The following FLII variants were observed in gnomAD, a reference collection of about 807,000 sequenced individuals.
FLII encodes protein flightless-1 homolog.
A neutral mutation model predicts 156.2 loss-of-function variants in FLII; 101 were observed. The observed-to-expected ratio is 0.65, with a 90% CI of 0.55 to 0.76. The LOEUF is 0.76. FLII is among the 30% of genes least tolerant of loss of function. The pLI, the probability that FLII is intolerant of heterozygous loss-of-function variation, is 0.00. For synonymous variants in FLII, 767 were observed against 685.8 expected (o/e 1.12, Z -1.85); for missense variants, 1,675 against 1,682.8 (o/e 1.00, Z 0.08).
Position 18,246,186 on chromosome 17 carries a change from G to A in FLII, c.3243C>T (p.Asn1081=), listed in dbSNP as rs368493265. 1.2e-6 allele frequency: 2 copies of A among 1,614,186 alleles called. No individual in the cohort carries two copies. The highest frequency in any genetic ancestry group is 1.7e-6 in the Non-Finnish European group (2 of 1,180,028). Residue 1081 remains asparagine (N), a synonymous_variant, in exon 25 of 30, where the codon AAC becomes AAT. Transcript: ENST00000327031. The part of the protein sequence containing the change: ...IQINTDSSLL[N]SEFCFILKVP... ...CCTTGAGGATGAAGCAGAACTCGGA[G>A]TTGAGGAGGCTGGAGTCGGTGTTGA...
rs1260610902 is a variant in FLII at position 18,250,969 on chromosome 17, T to C, written c.1645A>G (p.Ile549Val). 1.9e-6 allele frequency: 3 copies of C among 1,613,922 alleles called. No individual in the cohort carries two copies. ...TTGTCGAGTGTGGCCTCCCCGCCAA[T>C]CCAGTAGTAGATCTCCCAGTTGAGG... Reference protein sequence around the residue: ...GSLNWEIYYWIGGEATLDKKA... With the variant: ...GSLNWEIYYWVGGEATLDKKA... The change falls in exon 14 of 30, where the codon ATT becomes GTT. Residue 549 changes from isoleucine to valine, a missense_variant. By Grantham distance (29) the Ile-to-Val change is conservative. This residue lies in a region of FLII where 1,332 missense variants were observed against 1,269.3 expected (regional missense o/e 1.05). Coordinates refer to ENST00000327031, the MANE Select transcript of FLII (RefSeq NM_002018.4).
chr17:18,246,990 C>T lies in FLII; in HGVS notation c.2739G>A (p.Glu913=), dbSNP rs1597899728. The change falls in exon 22 of 30, where the codon GAG becomes GAA. Residue 913 remains glutamate (E), a synonymous_variant. Transcript: ENST00000327031. The part of the protein sequence containing the change: ...DLDGMEGFVL[E]GKKFARLPEE... Reference sequence around the variant, plus strand: ...CCGGCAGCCGCGCAAACTTCTTGCCCTCCAGCACGAAACCCTCCATGCCGT... The same window carrying T: ...CCGGCAGCCGCGCAAACTTCTTGCCTTCCAGCACGAAACCCTCCATGCCGT... 2 of 1,614,134 alleles carry T rather than the reference C, an allele frequency of 1.2e-6. No individual in the cohort carries two copies. Among genetic ancestry groups the T allele is most frequent in the Non-Finnish European group, 1.7e-6 (2 of 1,180,028 alleles).
chr17:18,246,349 G>A lies in FLII; in HGVS notation c.3165C>T (p.Ser1055=). The change falls in exon 24 of 30, where the codon AGC becomes AGT. Residue 1055 remains serine, a synonymous_variant. Transcript: ENST00000327031. ...RKAVQGAQQP[S]LYQIRTNGSA... is the part of the protein sequence containing the mutation. ...TGCCGTTGGTGCGGATCTGGTAGAGGCTGGGCTGTTGGGCGCCCTGGACCG... is the reference window on the plus strand; with the variant it reads ...TGCCGTTGGTGCGGATCTGGTAGAGACTGGGCTGTTGGGCGCCCTGGACCG... 6.2e-7 allele frequency: 1 copy of A among 1,613,814 alleles called. No homozygotes were observed. The highest frequency in any genetic ancestry group is 8.5e-7 in the Non-Finnish European group (1 of 1,180,014).
chr17:18,254,314 G>A, intron 6 of FLII, 132 bp from the exon 7 acceptor site: 1 of 838,666 alleles, frequency 1.2e-6, no homozygotes, highest in South Asian at 1.8e-5. Flanking sequence ...GAAGGGACAA[G>A]CCCAAGGGTG....
intron 11 of FLII, 37 bp from the exon 12 acceptor site, chr17:18,251,853 C>A: frequency 6.2e-7 from 1 of 1,612,058 alleles, no homozygotes; most frequent in Admixed American, 1.7e-5. Context: ...CCTCACTGGG[C>A]CTGCTGCCCC....
chr17:18,245,906 G>GTGCCCGCC, intron 26 of FLII, 28 bp downstream of exon 26: 1 of 1,613,998 alleles, frequency 6.2e-7, no homozygotes, highest in Admixed American at 1.7e-5. Context: ...TCCTCTGTGT[G>GTGCCCGCC]TGCCCGCCTG....
chr17:18,257,302 A>C (rs888161780), intron 1 of FLII: 17 of 426,130 alleles, frequency 4.0e-5, no homozygotes, highest in Non-Finnish European at 6.3e-5. Flanking sequence ...AAAGCCCAGC[A>C]TCCGGCTCTG....
chr17:18,250,717 C>G, intron 14 of FLII, 121 bp downstream of exon 14: 2 of 1,110,538 alleles, frequency 1.8e-6, no homozygotes, highest in Non-Finnish European at 2.6e-6. Context: ...GATCCACCCC[C>G]TTTAACCCCA....
In FLII at chr17:18,246,714, C is replaced by T. The variant is rs753542412; in HGVS notation, c.2931G>A (p.Glu977=). 3.1e-6 allele frequency: 5 copies of T among 1,613,372 alleles called. No homozygotes were observed. The African/African-American group carries it at 6.7e-5, about 22-fold the overall frequency. The stretch of plus-strand genomic sequence containing the variant: ...AGTACACGATGCACTGGAAGTCCTC[C>T]TCTGGCTGCTTCTCCTCTGCCTCAG... ...ATAEAEEKQP[E]EDFQCIVYFW... The change falls in exon 23 of 30, where the codon GAG becomes GAA. Residue 977 remains glutamate (E), a synonymous_variant. Transcript: ENST00000327031.
At position 18,247,772 on chromosome 17, in the gene FLII, T is replaced by C; in HGVS notation, c.2372A>G (p.Lys791Arg). 1.9e-6 allele frequency: 3 copies of C among 1,609,814 alleles called. No homozygotes were observed. The highest frequency in any genetic ancestry group is 2.5e-6 in the Non-Finnish European group (3 of 1,179,954). Reference protein sequence around the residue: ...WSDVFIWLGRKSPRLVRAAAL... With the variant: ...WSDVFIWLGRRSPRLVRAAAL... ...GGCAGCGCGCACCAGGCGCGGGGAC[T>C]TGCGGCCGAGCCAGATGAACACGTC... is the stretch of plus-strand genomic sequence containing the variant. Residue 791 changes from lysine to arginine, a missense_variant, in exon 20 of 30, where the codon AAG (lysine) becomes AGG (arginine). This residue lies in a region of FLII where 1,332 missense variants were observed against 1,269.3 expected (regional missense o/e 1.05). Coordinates refer to ENST00000327031, the MANE Select transcript of FLII (RefSeq NM_002018.4).
chr17:18,249,520 T>A, intron 14 of FLII, 112 bp from the exon 15 acceptor site: 1 of 771,082 alleles, frequency 1.3e-6, no homozygotes, highest in South Asian at 1.5e-5. Context: ...GTGCTACAAA[T>A]CTATGATGCC....
rs1398558108 is a variant in FLII at position 18,247,766 on chromosome 17, G to A, written c.2378C>T (p.Pro793Leu). ...DVFIWLGRKSPRLVRAAALKL... is the reference protein window; with the variant it reads ...DVFIWLGRKSLRLVRAAALKL... ...GAGGGCGGCAGCGCGCACCAGGCGC[G>A]GGGACTTGCGGCCGAGCCAGATGAA... The change falls in exon 20 of 30, where the codon CCG becomes CTG. Residue 793 changes from proline (P) to leucine (L), a missense_variant. Coordinates refer to ENST00000327031, the MANE Select transcript of FLII (RefSeq NM_002018.4). 2 of 1,608,978 alleles carry A rather than the reference G, an allele frequency of 1.2e-6. No homozygotes were observed. The highest frequency in any genetic ancestry group is 3.3e-5 in the Admixed American group (2 of 59,994).
At position 18,258,604 on chromosome 17, in the gene FLII, C is replaced by G; in HGVS notation, c.63+24G>C. Reference sequence around the variant, plus strand: ...GGAAGAGAAGGCCTGCAGGGAGGCCCGGCACGCGCCCGGCCCGGCTCACCT... The same window carrying G: ...GGAAGAGAAGGCCTGCAGGGAGGCCGGGCACGCGCCCGGCCCGGCTCACCT... On this transcript the variant is annotated intron_variant, in intron 1 of 29. Transcript: ENST00000327031. This position sits in a 1 kb window ranked among gnomAD's most constrained non-coding sequence, Gnocchi z 4.2. The G allele has an allele frequency of 6.5e-7, 1 of 1,547,164 alleles. No individual in the cohort carries two copies. Among genetic ancestry groups the G allele is most frequent in the Non-Finnish European group, 8.7e-7 (1 of 1,155,996 alleles).
chr17:18,247,245 GC>G lies in FLII; in HGVS notation c.2599del (p.Ala867ProfsTer7), dbSNP rs757898251. The G allele has an allele frequency of 6.2e-7, 1 of 1,606,750 alleles. No homozygotes were observed. On this transcript the variant is annotated frameshift_variant, in exon 21 of 30. Transcript: ENST00000327031. LOFTEE classifies it high-confidence loss of function. ...PGLSGKVKRD[A>X]EKKDQMKADL... Reference sequence around the variant, plus strand: ...AGCCTTCATCTGGTCTTTCTTCTCGGCGTCGCGTTTCACCTTCCCGGAGAGA... The same window carrying G: ...AGCCTTCATCTGGTCTTTCTTCTCGGGTCGCGTTTCACCTTCCCGGAGAGA...
In FLII at chr17:18,245,536, GCT is replaced by G. The variant is rs1433413014; in HGVS notation, c.3609+17_3609+18del. The G allele has an allele frequency of 4.3e-6, 7 of 1,611,508 alleles. No individual in the cohort carries two copies. In the Admixed American group the frequency reaches 5.0e-5, roughly 12 times the overall value. On this transcript the variant is annotated intron_variant, in intron 28 of 29. Coordinates refer to ENST00000327031, the MANE Select transcript of FLII (RefSeq NM_002018.4). Reference sequence around the variant, plus strand: ...ATGGGCGCCTCCTTGGATGGGCAGGGCTAGTGGCAACATCACACCTCTTGGCC... The same window carrying G: ...ATGGGCGCCTCCTTGGATGGGCAGGGAGTGGCAACATCACACCTCTTGGCC...
intron 6 of FLII, 74 bp from the exon 7 acceptor site, chr17:18,254,256 G>T: frequency 1.6e-6 from 2 of 1,230,050 alleles, no homozygotes; most frequent in Non-Finnish European, 2.3e-6. Flanking sequence ...GGCAGGGCAG[G>T]ACCAAAAGCA....
At position 18,257,000 on chromosome 17, in the gene FLII, T is replaced by C; in HGVS notation, c.83A>G (p.Asn28Ser). 6.2e-7 allele frequency: 1 copy of C among 1,609,832 alleles called. No homozygotes were observed. Among genetic ancestry groups the C allele is most frequent in the Non-Finnish European group, 8.5e-7 (1 of 1,178,154 alleles). Reference sequence around the variant, plus strand: ...CCGCAGGCTGGTCATGGCCTTGACATTCTCAGGGAAGTAGCCGCCCTGGGG... The same window carrying C: ...CCGCAGGCTGGTCATGGCCTTGACACTCTCAGGGAAGTAGCCGCCCTGGGG... ...NDFKGGYFPENVKAMTSLRWL... is the reference protein window; with the variant it reads ...NDFKGGYFPESVKAMTSLRWL... Residue 28 changes from asparagine (N) to serine (S), a missense_variant, in exon 2 of 30, where the codon AAT becomes AGT. By Grantham distance (46) the Asn-to-Ser change is conservative. Transcript: ENST00000327031.
At position 18,254,674 on chromosome 17, in the gene FLII, G is replaced by A. The variant is rs761570037; in HGVS notation, c.422C>T (p.Thr141Ile). Reference protein sequence around the residue: ...VLNLSHNSIDTIPNQLFINLT... With the variant: ...VLNLSHNSIDIIPNQLFINLT... ...GTTGATGAAGAGCTGGTTGGGGATG[G>A]TGTCGATGCTACGGGTGGGGAGCAG... Residue 141 changes from threonine (T) to isoleucine (I), a missense_variant, in exon 6 of 30, where the codon ACC becomes ATC. Physicochemically the swap from Thr to Ile is moderately conservative, Grantham distance 89. Transcript: ENST00000327031. 4 of 1,613,936 alleles carry A rather than the reference G, an allele frequency of 2.5e-6. No homozygotes were observed. Among genetic ancestry groups the A allele is most frequent in the Non-Finnish European group, 3.4e-6 (4 of 1,179,894 alleles).
In FLII at chr17:18,250,818, CA is replaced by C; in HGVS notation, c.1776+19del. On this transcript the variant is annotated intron_variant, in intron 14 of 29. Transcript: ENST00000327031. Reference sequence around the variant, plus strand: ...CTGGGAACCCCACTCTGCCCACCCCCAATTTTAACGGGCTGGCACCTGCAGG... The same window carrying C: ...CTGGGAACCCCACTCTGCCCACCCCCATTTTAACGGGCTGGCACCTGCAGG... The C allele has an allele frequency of 6.3e-7, 1 of 1,599,658 alleles. No individual in the cohort carries two copies. Among genetic ancestry groups the C allele is most frequent in the Non-Finnish European group, 8.5e-7 (1 of 1,169,722 alleles).
Sources: gnomAD v4.1 joint callset for allele counts on GRCh38, gnomAD v4.1.1 for gene constraint, gnomAD v4.1.1 regional missense constraint, Gnocchi (gnomAD v3.1) non-coding constraint, MANE v1.5 for transcripts, NCBI Gene and HGNC (gene_info 2026-07-23, HGNC 2026-07-21) for gene names.